The following COL5A2 variants were observed in gnomAD, a reference collection of about 807,000 sequenced individuals.
The protein encoded by COL5A2 is collagen alpha-2(V) chain.
Under a neutral mutation model 208.2 loss-of-function variants are expected in COL5A2, and 23 were observed. The ratio of observed to expected loss-of-function variants is 0.11; its 90% CI spans 0.08 to 0.16. COL5A2 has a LOEUF of 0.16. Among genes scored for constraint, COL5A2 ranks in the 10% least tolerant of loss-of-function variants. COL5A2 has a pLI of 1.00. For synonymous variants in COL5A2, 625 were observed against 628.5 expected, an observed-to-expected ratio of 0.99 and a Z score of 0.08; for missense variants, 1,590 against 1,956.4, an observed-to-expected ratio of 0.81 and a Z score of 3.53.
chr2:189,366,667 C>G, the COL5A2 span, among the ~76,000 whole-genome samples: 1 of 152,178 alleles, frequency 6.6e-6, no homozygotes, highest in Non-Finnish European at 1.5e-5. Context: ...AAAGTCAAAC[C>G]TATAAGATGG....
chr2:189,046,524 C>T (rs1030014358), intron 45 of COL5A2, among the ~76,000 whole-genome samples: 11 of 151,964 alleles, frequency 7.2e-5, no homozygotes, highest in African/African-American at 1.9e-4. Flanking sequence ...TATAAAGCTA[C>T]GAAGGATTTG....
At chr2:189,276,922 A>G in the COL5A2 span, among the ~76,000 whole-genome samples, 2 of 152,116 alleles carry the variant, frequency 1.3e-5, no homozygotes, top group Non-Finnish European at 2.9e-5. Context: ...ATTAGCATTT[A>G]GTTTTCTTAT....
At chr2:189,268,701 T>C in the COL5A2 span, among the ~76,000 whole-genome samples, 1 of 33,786 alleles carries the variant, frequency 3.0e-5, no homozygotes, top group Admixed American at 3.7e-4. Flanking sequence ...TCACCTCTTT[T>C]TAACAAACAA....
intron 5 of COL5A2, 69 bp from the exon 6 acceptor site, chr2:189,097,399 T>A: frequency 6.5e-7 from 1 of 1,527,554 alleles, no homozygotes; most frequent in Non-Finnish European, 9.1e-7. Flanking sequence ...AAAAGTCTAC[T>A]TGATAAAAGA....
intron 1 of COL5A2, among the ~76,000 whole-genome samples, chr2:189,185,109 C>T (rs1019588790): frequency 3.9e-5 from 6 of 152,026 alleles, no homozygotes; most frequent in Middle Eastern, 3.2e-3. Flanking sequence ...CTGCAGCCTC[C>T]GCCTCCCGGG....
At chr2:189,440,071 TATTA>T in the COL5A2 span, among the ~76,000 whole-genome samples, 1 of 152,190 alleles carries the variant, frequency 6.6e-6, no homozygotes, top group Admixed American at 6.5e-5. Flanking sequence ...AAACCAAAAT[TATTA>T]AATATCTCCC....
intron 1 of COL5A2, among the ~76,000 whole-genome samples, chr2:189,146,185 GA>G (rs1409219492): frequency 6.6e-6 from 1 of 152,016 alleles, no homozygotes. Context: ...TACTGCAAAA[GA>G]AAAGAAAAAG....
the COL5A2 span, among the ~76,000 whole-genome samples, chr2:189,324,528 A>C: frequency 6.6e-6 from 1 of 152,266 alleles, no homozygotes; most frequent in Non-Finnish European, 1.5e-5. Flanking sequence ...CATTTCTCAA[A>C]AGAAGACATT....
At position 189,179,510 on chromosome 2, in the gene COL5A2, T is replaced by A; in HGVS notation, c.95A>T (p.Asp32Val). 2 of 1,611,278 alleles carry A rather than the reference T, an allele frequency of 1.2e-6. No homozygotes were observed. Among genetic ancestry groups the A allele is most frequent in the African/African-American group, 2.7e-5 (2 of 74,996 alleles). Residue 32 changes from aspartate (D) to valine (V), a missense_variant and splice_region_variant, in exon 1 of 54, where the codon GAT becomes GTT. Asp to Val is a radical substitution (Grantham distance 152). Transcript: ENST00000374866. ...AGCAAAGCAAATGGCAAACTCACCA[T>A]CCTCGTCTTCTTCCTGGGCTTTTAT... ...VSIKAQEEDE[D>V]EGYGEEIACT...
rs113567246 is a variant in COL5A2, at chr2:189,095,759, CT to C, written c.456+1517del. 5.5e-3 allele frequency: 798 copies of C among 144,968 alleles called. 5 individuals carry two copies. The highest frequency in any genetic ancestry group is 0.014 in the African/African-American group (539 of 39,870). 9.0% of individuals were successfully genotyped at this position (144,968 alleles called of 1,614,324 possible). ...GTGTACAAATACACCAATGCAAAAT[CT>C]TTTTTTTTTTTTCTGTCACGACCAC... On this transcript the variant is annotated intron_variant, in intron 6 of 53. Transcript: ENST00000374866.
At chr2:189,429,081 T>C in the COL5A2 span, among the ~76,000 whole-genome samples, 4 of 152,190 alleles carry the variant, frequency 2.6e-5, no homozygotes, top group African/African-American at 9.7e-5. Context: ...TGTTGCACTC[T>C]TGAGGAATGC....
intron 1 of COL5A2, among the ~76,000 whole-genome samples, chr2:189,196,902 A>T (rs1007160660): frequency 6.6e-6 from 1 of 152,210 alleles, no homozygotes; most frequent in Non-Finnish European, 1.5e-5. Context: ...TTCCTCAAGG[A>T]TCTAGAACCA....
chr2:189,415,448 T>C, the COL5A2 span, among the ~76,000 whole-genome samples: 7 of 152,270 alleles, frequency 4.6e-5, no homozygotes, highest in Admixed American at 1.3e-4. Flanking sequence ...GAAAAAAGTA[T>C]GTTGTCTATT....
At chr2:189,229,041 G>C (rs1026956800), upstream of COL5A2, among the ~76,000 whole-genome samples, 1 of 151,738 alleles carries the variant, frequency 6.6e-6, no homozygotes, top group Non-Finnish European at 1.5e-5. Flanking sequence ...CACATTAACA[G>C]AATAAAGGAT....
rs5837121 is a variant in COL5A2, at chr2:189,058,904, ATT to A, written c.2086-13_2086-12del. 0.034 allele frequency: 35,453 copies of A among 1,055,026 alleles called. No individual in the cohort carries two copies. Among genetic ancestry groups the A allele is most frequent in the Non-Finnish European group, 0.038 (27,808 of 734,724 alleles). The allele number at this position is 1,055,026 out of a possible 1,614,324, so 65.4% of individuals were successfully genotyped here. On this transcript the variant is annotated splice_polypyrimidine_tract_variant and intron_variant, in intron 31 of 53. Coordinates refer to ENST00000374866, the MANE Select transcript of COL5A2 (RefSeq NM_000393.5). ...ATCTCCAGGAACACCCTATAAACACATTTTTTTTTTTTAATGGAACAAGAGCT... is the reference window on the plus strand; with the variant it reads ...ATCTCCAGGAACACCCTATAAACACATTTTTTTTTTAATGGAACAAGAGCT...
At chr2:189,268,387 A>T in the COL5A2 span, among the ~76,000 whole-genome samples, 1 of 152,146 alleles carries the variant, frequency 6.6e-6, no homozygotes, top group Non-Finnish European at 1.5e-5. Flanking sequence ...AGAAGTTTAA[A>T]TTGTTTCCAG....
the COL5A2 span, among the ~76,000 whole-genome samples, chr2:189,415,573 C>G: frequency 4.6e-5 from 7 of 152,210 alleles, no homozygotes; most frequent in African/African-American, 1.7e-4. Flanking sequence ...CCTTTAATTT[C>G]TATTGGTCCT....
chr2:189,172,381 A>C (rs1688588814), intron 1 of COL5A2, among the ~76,000 whole-genome samples: 1 of 152,232 alleles, frequency 6.6e-6, no homozygotes, highest in East Asian at 1.9e-4. Flanking sequence ...AAGCAATTTA[A>C]AAATACACCA....
chr2:189,130,305 T>C (rs930039808), intron 1 of COL5A2, among the ~76,000 whole-genome samples: 35 of 152,060 alleles, frequency 2.3e-4, no homozygotes, highest in Non-Finnish European at 1.3e-4. Context: ...GTCTATGAAA[T>C]AGACTTCTAG....
Sources: gnomAD v4.1 joint callset for allele counts (sites outside exome capture counted in the v4.1 genomes callset) on GRCh38, gnomAD v4.1.1 for gene constraint, MANE v1.5 for transcripts, NCBI Gene and HGNC (gene_info 2026-07-23, HGNC 2026-07-21) for gene names.